The following PAPPA2 variants were observed in gnomAD, a reference collection of about 807,000 sequenced individuals.
PAPPA2 encodes the protein pappalysin-2.
Under a neutral mutation model 176.4 loss-of-function variants are expected in PAPPA2, and 86 were observed. The ratio of observed to expected loss-of-function variants is 0.49; its 90% CI spans 0.41 to 0.58. The LOEUF is 0.58. Ranked by LOEUF, PAPPA2 falls within the 20% of genes least tolerant of loss-of-function variation. The pLI is 0.00. For synonymous variants in PAPPA2, 809 were observed against 852.2 expected (o/e 0.95, Z 0.88); for missense variants, 2,073 against 2,256.9 (o/e 0.92, Z 1.65).
intron 12 of PAPPA2, among the ~76,000 whole-genome samples, chr1:176,719,119 A>G (rs955835391): frequency 1.3e-5 from 2 of 152,240 alleles, no homozygotes; most frequent in East Asian, 3.9e-4. Flanking sequence ...TTAGCCTGGT[A>G]GTGTGAAACC....
chr1:176,536,789 C>A (rs1202509501), intron 1 of PAPPA2, among the ~76,000 whole-genome samples: 1 of 152,178 alleles, frequency 6.6e-6, no homozygotes, highest in Non-Finnish European at 1.5e-5. Context: ...AGTGGGAGGG[C>A]ATAGCAAAGT....
At chr1:176,791,272 T>G in intron 18 of PAPPA2, 75 bp from the exon 19 acceptor site, 2 of 1,316,928 alleles carry the variant, frequency 1.5e-6, no homozygotes, top group Middle Eastern at 4.0e-4. Context: ...TACTACCACT[T>G]AATCAGACCA....
chr1:176,765,595 G>A (rs1663925798), intron 14 of PAPPA2, 71 bp from the exon 15 acceptor site: 2 of 1,470,042 alleles, frequency 1.4e-6, no homozygotes, highest in Non-Finnish European at 1.9e-6. Context: ...CCCAGATGGA[G>A]CTGCAAAGTC....
intron 3 of PAPPA2, among the ~76,000 whole-genome samples, chr1:176,650,395 T>TA (rs1657650671): frequency 6.6e-6 from 1 of 151,170 alleles, no homozygotes; most frequent in Non-Finnish European, 1.5e-5. Flanking sequence ...TTCTATTTCT[T>TA]TTTATTTATT....
At chr1:176,824,692 C>T (rs1167040531) in intron 21 of PAPPA2, among the ~76,000 whole-genome samples, 3 of 152,180 alleles carry the variant, frequency 2.0e-5, no homozygotes, top group African/African-American at 4.8e-5. Flanking sequence ...GCACCTCTAT[C>T]GCTCATTCCC....
intron 20 of PAPPA2, among the ~76,000 whole-genome samples, chr1:176,798,911 CA>C (rs1442259457): frequency 6.6e-6 from 1 of 152,176 alleles, no homozygotes; most frequent in African/African-American, 2.4e-5. Context: ...TAGCTTTTAG[CA>C]GTACGACTCC....
chr1:176,564,274 A>G (rs539037652), intron 2 of PAPPA2, among the ~76,000 whole-genome samples: 3 of 152,198 alleles, frequency 2.0e-5, no homozygotes, highest in Admixed American at 1.3e-4. Flanking sequence ...CTTGAGTCCA[A>G]GCTCTTGAGC....
rs1370325624 is a variant in PAPPA2 at position 176,831,977 on chromosome 1, T to C, written c.5203-8196T>C. Among the ~76,000 whole-genome samples the C allele has an allele frequency of 2.6e-5, 4 of 152,160 alleles. No homozygotes were observed. In the East Asian group the frequency reaches 7.7e-4, roughly 29 times the overall value. On this transcript the variant is annotated intron_variant, in intron 21 of 22. Coordinates refer to ENST00000367662, the MANE Select transcript of PAPPA2 (RefSeq NM_020318.3). ...CAGGTACATGCATTGGTGGTAAAAG[T>C]GAATGGGGAAGGAGGCTCTCAGGGA...
intron 3 of PAPPA2, among the ~76,000 whole-genome samples, chr1:176,639,870 AT>A (rs1487236417): frequency 6.6e-6 from 1 of 151,738 alleles, no homozygotes; most frequent in Non-Finnish European, 1.5e-5. Context: ...TACATACAAT[AT>A]TTTATTTAAT....
rs761498354 is a variant in PAPPA2, at chr1:176,595,283, G to A, written c.1679G>A (p.Arg560His). The change falls in exon 3 of 23, where the codon CGC (arginine) becomes CAC (histidine). Residue 560 changes from arginine to histidine, a missense_variant. Coordinates refer to ENST00000367662, the MANE Select transcript of PAPPA2 (RefSeq NM_020318.3). ...QHEALNEAFS[R>H]YNISWQLSVH... ...GAGGCACTGAATGAGGCCTTCAGCC[G>A]CTACAACATCAGCTGGCAGCTGAGC... 1.8e-5 allele frequency: 29 copies of A among 1,614,204 alleles called. No homozygotes were observed. Among genetic ancestry groups the A allele is most frequent in the Admixed American group, 3.3e-5 (2 of 60,028 alleles).
At chr1:176,469,880 C>A (rs535088245) in intron 1 of PAPPA2, among the ~76,000 whole-genome samples, 2 of 152,160 alleles carry the variant, frequency 1.3e-5, no homozygotes, top group African/African-American at 4.8e-5. Context: ...CTCACTCTAA[C>A]GTGTGAAATG....
At chr1:176,730,814 A>G (rs1662107282) in intron 12 of PAPPA2, among the ~76,000 whole-genome samples, 1 of 152,052 alleles carries the variant, frequency 6.6e-6, no homozygotes, top group Non-Finnish European at 1.5e-5. Flanking sequence ...ATTCAGTCGT[A>G]AGTATTTTGT....
In PAPPA2 at chr1:176,595,216, C is replaced by G; in HGVS notation, c.1612C>G (p.Leu538Val). 1.2e-6 allele frequency: 2 copies of G among 1,614,226 alleles called. No homozygotes were observed. The highest frequency in any genetic ancestry group is 1.7e-6 in the Non-Finnish European group (2 of 1,180,036). ...GGTGAACATCTGTGATGATGAGGGC[C>G]TAAACCCCATTGTGAGTGAGGAGCA... is the stretch of plus-strand genomic sequence containing the variant. ...QVVNICDDEG[L>V]NPIVSEEQIR... Residue 538 changes from leucine to valine, a missense_variant, in exon 3 of 23, where the codon CTA becomes GTA. This residue lies in a region of PAPPA2 where 1,196 missense variants were observed against 1,330.4 expected (regional missense o/e 0.90). Coordinates refer to ENST00000367662, the MANE Select transcript of PAPPA2 (RefSeq NM_020318.3).
At chr1:176,783,802 C>G (rs1018924023) in intron 17 of PAPPA2, among the ~76,000 whole-genome samples, 3 of 152,146 alleles carry the variant, frequency 2.0e-5, no homozygotes, top group Non-Finnish European at 4.4e-5. Context: ...CTACACCTTA[C>G]TAGCATGAGA....
At chr1:176,789,132 A>C (rs2102935573) in intron 17 of PAPPA2, among the ~76,000 whole-genome samples, 1 of 152,270 alleles carries the variant, frequency 6.6e-6, no homozygotes, top group Non-Finnish European at 1.5e-5. Context: ...TATTTATCAA[A>C]CCCTCTTAAG....
At position 176,712,928 on chromosome 1, in the gene PAPPA2, T is replaced by C. The variant is rs542722262; in HGVS notation, c.3798+947T>C. Among the ~76,000 whole-genome samples, 4 of 152,320 alleles carry C rather than the reference T, an allele frequency of 2.6e-5. 1 individual carries two copies. Among genetic ancestry groups the C allele is most frequent in the Admixed American group, 1.3e-4 (2 of 15,280 alleles). On this transcript the variant is annotated intron_variant, in intron 12 of 22. Coordinates refer to ENST00000367662, the MANE Select transcript of PAPPA2 (RefSeq NM_020318.3). ...TGTATTTGCATGATGACTAATGAGA[T>C]TGGGAGGCTTTCATATGTGTATCAG... is the stretch of plus-strand genomic sequence containing the variant.
intron 3 of PAPPA2, among the ~76,000 whole-genome samples, chr1:176,611,023 A>T (rs1394238164): frequency 6.6e-6 from 1 of 152,144 alleles, no homozygotes; most frequent in Non-Finnish European, 1.5e-5. Flanking sequence ...CTAAGTCTGA[A>T]TTTTTATGAT....
intron 12 of PAPPA2, among the ~76,000 whole-genome samples, chr1:176,729,188 C>G (rs1243326464): frequency 1.3e-5 from 2 of 151,934 alleles, no homozygotes; most frequent in African/African-American, 2.4e-5. Context: ...AGACAGGGAT[C>G]TACTTTTAAA....
chr1:176,617,303 GGGTGGCAGGCGCTACAGGGCAGGA>G (rs1202398063), intron 3 of PAPPA2, among the ~76,000 whole-genome samples: 1 of 152,132 alleles, frequency 6.6e-6, no homozygotes, highest in Non-Finnish European at 1.5e-5. Context: ...GTGACATAGG[GGGTGGCAGGCGCTACAGGGCAGGA>G]GGTGGCGGTG....
Sources: gnomAD v4.1 joint callset for allele counts (sites outside exome capture counted in the v4.1 genomes callset) on GRCh38, gnomAD v4.1.1 for gene constraint, gnomAD v4.1.1 regional missense constraint, MANE v1.5 for transcripts, NCBI Gene and HGNC (gene_info 2026-07-23, HGNC 2026-07-21) for gene names.